Variants in LRRIQ3 observed in about 807,000 individuals in gnomAD.
LRRIQ3 encodes the protein leucine-rich repeat and IQ domain-containing protein 3.
A neutral mutation model predicts 59.3 loss-of-function variants in LRRIQ3; 75 were observed. That is an observed-to-expected ratio of 1.26 (90% confidence interval 1.05 to 1.53). The LOEUF is 1.53. Ranked by LOEUF, LRRIQ3 falls within the 40% of genes most tolerant of loss-of-function variation. LRRIQ3 has a pLI of 0.00. For missense variants in LRRIQ3, 831 were observed against 710.0 expected, an observed-to-expected ratio of 1.17 and a Z score of -1.94; for synonymous variants, 250 against 231.3, an observed-to-expected ratio of 1.08 and a Z score of -0.73.
intron 3 of LRRIQ3, chr1:74,180,496 C>T: frequency 4.5e-6 from 2 of 443,050 alleles, no homozygotes; most frequent in South Asian, 5.1e-5. Flanking sequence ...GAAGTATGAC[C>T]AAACTTATCT....
chr1:74,072,482 T>A (rs895489051), intron 6 of LRRIQ3, among the ~76,000 whole-genome samples: 1 of 151,874 alleles, frequency 6.6e-6, no homozygotes, highest in Admixed American at 6.6e-5. Flanking sequence ...ATAAAATGCT[T>A]TTGTGCTCAT....
At chr1:74,163,212 T>C (rs909285677) in intron 3 of LRRIQ3, among the ~76,000 whole-genome samples, 1 of 151,608 alleles carries the variant, frequency 6.6e-6, no homozygotes, top group African/African-American at 2.4e-5. Flanking sequence ...AAGTGTTTAT[T>C]TCAAATAAAG....
chr1:74,171,865 T>C (rs990084340), intron 3 of LRRIQ3, among the ~76,000 whole-genome samples: 2 of 152,198 alleles, frequency 1.3e-5, no homozygotes, highest in Non-Finnish European at 2.9e-5. Flanking sequence ...AGGTTGTATG[T>C]TTCTGGGAAT....
intron 4 of LRRIQ3, among the ~76,000 whole-genome samples, chr1:74,118,703 G>C (rs565059684): frequency 6.6e-6 from 1 of 152,032 alleles, no homozygotes; most frequent in Admixed American, 6.6e-5. Context: ...TATATATATA[G>C]AGAGAGAGCA....
At chr1:74,114,485 C>T (rs556182115) in intron 4 of LRRIQ3, among the ~76,000 whole-genome samples, 5 of 151,810 alleles carry the variant, frequency 3.3e-5, no homozygotes, top group Non-Finnish European at 5.9e-5. Flanking sequence ...GCCTGTAATC[C>T]CAGCACTTTG....
intron 3 of LRRIQ3, among the ~76,000 whole-genome samples, chr1:74,176,928 A>G (rs1452989531): frequency 1.3e-5 from 2 of 152,078 alleles, no homozygotes; most frequent in African/African-American, 4.8e-5. Context: ...GAGTCTCAAA[A>G]AGGTAGAGGT....
chr1:74,166,380 G>C (rs532779609), intron 3 of LRRIQ3, among the ~76,000 whole-genome samples: 2 of 151,364 alleles, frequency 1.3e-5, no homozygotes, highest in Admixed American at 1.3e-4. Flanking sequence ...GTTAACATTT[G>C]CAAGGCCTGT....
At chr1:74,120,362 C>A (rs1290598277) in intron 4 of LRRIQ3, among the ~76,000 whole-genome samples, 1 of 151,912 alleles carries the variant, frequency 6.6e-6, no homozygotes, top group East Asian at 1.9e-4. Flanking sequence ...GTGATCCGCC[C>A]ACCTCGGCCT....
rs117356986 is a variant in LRRIQ3 at position 74,183,770 on chromosome 1, C to T, written c.1-86G>A. 1.3e-3 allele frequency: 1,536 copies of T among 1,184,584 alleles called. 29 individuals are homozygous for T. In the East Asian group the frequency reaches 0.034, roughly 26 times the overall value. The allele number at this position is 1,184,584 out of a possible 1,614,324, so 73.4% of individuals were successfully genotyped here. On this transcript the variant is annotated intron_variant, in intron 1 of 7. Coordinates refer to ENST00000354431, the MANE Select transcript of LRRIQ3 (RefSeq NM_001105659.2). ...CAAACAAAATTTTGCCAAGAGATAG[C>T]GCAAGTAAAAAGTGTTATTAAAGTT...
chr1:74,102,727 C>A (rs1646553233), intron 5 of LRRIQ3, among the ~76,000 whole-genome samples: 2 of 151,880 alleles, frequency 1.3e-5, no homozygotes, highest in Non-Finnish European at 2.9e-5. Flanking sequence ...ATTTGATAAA[C>A]CCTCTGTTCA....
At chr1:74,175,634 C>A (rs766792201) in intron 3 of LRRIQ3, among the ~76,000 whole-genome samples, 1 of 152,124 alleles carries the variant, frequency 6.6e-6, no homozygotes, top group African/African-American at 2.4e-5. Flanking sequence ...GGTGCTGTAA[C>A]CTCTCCCCTG....
chr1:74,180,724 C>G, intron 3 of LRRIQ3: 2 of 1,549,890 alleles, frequency 1.3e-6, no homozygotes, highest in Non-Finnish European at 1.7e-6. Flanking sequence ...GACTCATTTG[C>G]TGTCCAATAT....
chr1:74,040,344 A>T (rs920910842), intron 7 of LRRIQ3, among the ~76,000 whole-genome samples: 1 of 152,172 alleles, frequency 6.6e-6, no homozygotes, highest in Non-Finnish European at 1.5e-5. Flanking sequence ...TAATAGTGGG[A>T]GACTTTAATA....
At chr1:74,180,982 C>T in intron 3 of LRRIQ3, 1 of 591,806 alleles carries the variant, frequency 1.7e-6, no homozygotes, top group Non-Finnish European at 2.9e-6. Context: ...CCAGATTTGT[C>T]TATTCTCTGT....
intron 4 of LRRIQ3, among the ~76,000 whole-genome samples, chr1:74,142,024 A>G (rs1409361269): frequency 1.3e-5 from 2 of 151,666 alleles, no homozygotes; most frequent in Non-Finnish European, 3.0e-5. Flanking sequence ...ACAAACATAT[A>G]TAACAATTTA....
intron 3 of LRRIQ3, among the ~76,000 whole-genome samples, chr1:74,175,708 G>A (rs1649598724): frequency 6.6e-6 from 1 of 152,078 alleles, no homozygotes; most frequent in Non-Finnish European, 1.5e-5. Context: ...TGCTTCTGAG[G>A]GAGGGCTAGA....
At chr1:74,092,817 G>A (rs1398845942) in intron 5 of LRRIQ3, among the ~76,000 whole-genome samples, 15 of 151,898 alleles carry the variant, frequency 9.9e-5, no homozygotes, top group Admixed American at 7.2e-4. Flanking sequence ...AAATTGAAGC[G>A]GTTACAATAG....
chr1:74,084,596 C>T (rs1225807621), intron 5 of LRRIQ3, among the ~76,000 whole-genome samples: 1 of 151,488 alleles, frequency 6.6e-6, no homozygotes, highest in African/African-American at 2.4e-5. Flanking sequence ...AAGTGCAGAT[C>T]TTATGTAAAA....
chr1:74,175,947 A>C (rs868276136), intron 3 of LRRIQ3, among the ~76,000 whole-genome samples: 1 of 152,098 alleles, frequency 6.6e-6, no homozygotes, highest in Admixed American at 6.5e-5. Flanking sequence ...TATACATTCT[A>C]TATATATTTA....
Sources: gnomAD v4.1 joint callset for allele counts (sites outside exome capture counted in the v4.1 genomes callset) on GRCh38, gnomAD v4.1.1 for gene constraint, MANE v1.5 for transcripts, NCBI Gene and HGNC (gene_info 2026-07-23, HGNC 2026-07-21) for gene names.